Variants in ZP3 observed in about 807,000 individuals in gnomAD.
ZP3 encodes the protein zona pellucida glycoprotein 3.
Under a neutral mutation model 35.6 loss-of-function variants are expected in ZP3, and 21 were observed. That is an observed-to-expected ratio of 0.59 (90% CI 0.42 to 0.85). ZP3 has a LOEUF of 0.85. ZP3 is among the 40% of genes least tolerant of loss of function. ZP3 has a pLI of 0.00. For synonymous variants in ZP3, 207 were observed against 214.5 expected, an observed-to-expected ratio of 0.96 and a Z score of 0.31; for missense variants, 437 against 536.5, an observed-to-expected ratio of 0.81 and a Z score of 1.83.
At position 76,412,962 on chromosome 7, in the gene ZP3, C is replaced by CTTTTTTTTTTTTTTTTTTTTTTTTTTTTT. The variant is rs201143080; in HGVS notation, c.-66-12088_-66-12087insTTTTTTTTTTTTTTTTTTTTTTTTTTTTT. Among the ~76,000 whole-genome samples, 3 of 113,760 alleles carry CTTTTTTTTTTTTTTTTTTTTTTTTTTTTT rather than the reference C, an allele frequency of 2.6e-5. 1 individual carries two copies. The allele number at this position is 113,760 out of a possible 152,430, so 74.6% of individuals were successfully genotyped here. A position where few individuals can be genotyped will look rare whatever the true frequency, so the allele number is the denominator to read the frequency against. ...CTTTCTTCTTTGTCTTCTTCTTCTT[C>CTTTTTTTTTTTTTTTTTTTTTTTTTTTTT]TTCTTTTTTTTTTTTTTTGAGACGG... On this transcript the variant is annotated intron_variant, in intron 1 of 8. Transcript: ENST00000336517.
At chr7:76,423,503 G>A (rs1352864564), upstream of ZP3, among the ~76,000 whole-genome samples, 3 of 152,098 alleles carry the variant, frequency 2.0e-5, no homozygotes, top group South Asian at 4.1e-4. Context: ...CCACAACCTT[G>A]GTTTGATATT....
chr7:76,436,531 G>A (rs1462026700), intron 5 of ZP3, among the ~76,000 whole-genome samples: 3 of 152,354 alleles, frequency 2.0e-5, no homozygotes, highest in Non-Finnish European at 2.9e-5. Context: ...AGATGACATC[G>A]ATGCCACTTC....
At chr7:76,435,570 T>C (rs1805968833) in intron 5 of ZP3, among the ~76,000 whole-genome samples, 2 of 152,278 alleles carry the variant, frequency 1.3e-5, no homozygotes, top group East Asian at 3.8e-4. Flanking sequence ...ACTAATCATC[T>C]GGAGAGGTTG....
chr7:76,425,634 C>CT (rs1362036294), intron 1 of ZP3, among the ~76,000 whole-genome samples: 1 of 152,164 alleles, frequency 6.6e-6, no homozygotes, highest in African/African-American at 2.4e-5. Flanking sequence ...GCATTAGGAA[C>CT]TCATCCTGAA....
chr7:76,429,218 T>G (rs983013291), intron 1 of ZP3: 7 of 356,712 alleles, frequency 2.0e-5, no homozygotes, highest in East Asian at 5.8e-5. Flanking sequence ...AGGTAAAGAT[T>G]CCGAGGTACA....
At chr7:76,439,057 C>A (rs1268036667) in intron 5 of ZP3, among the ~76,000 whole-genome samples, 1 of 134,792 alleles carries the variant, frequency 7.4e-6, no homozygotes, top group Admixed American at 7.9e-5. Context: ...TTGCTTGAAC[C>A]TAGGAGGCAG....
At chr7:76,435,870 G>T (rs546189136) in intron 5 of ZP3, among the ~76,000 whole-genome samples, 1 of 151,382 alleles carries the variant, frequency 6.6e-6, no homozygotes, top group Non-Finnish European at 1.5e-5. Flanking sequence ...GATTGTAGGC[G>T]CCTGCCACCA....
rs888469990 is a variant in ZP3 at position 76,404,229 on chromosome 7, C to T, written c.-67+6432C>T. ...AGGAACGAGCTCATTCACAACCCTC[C>T]TCCTACTATAAAGTTACAGCTGGGA... On this transcript the variant is annotated intron_variant, in intron 1 of 8. Transcript: ENST00000336517. 7.6e-6 allele frequency: 11 copies of T among 1,453,894 alleles called. No homozygotes were observed. In the African/African-American group the frequency reaches 8.6e-5, roughly 11 times the overall value. 90.1% of individuals were successfully genotyped at this position (1,453,894 alleles called of 1,614,324 possible). A position where few individuals can be genotyped will look rare whatever the true frequency, so the allele number is the denominator to read the frequency against.
rs1805616977 is a variant in ZP3, at chr7:76,425,258, G to A, written c.294G>A (p.Glu98=). The change falls in exon 1 of 8, where the codon GAG becomes GAA. Residue 98 remains glutamate (E), a synonymous_variant. Transcript: ENST00000394857. Reference sequence around the variant, plus strand: ...TCAGGTTTGAGGTTGGACTCCACGAGTGTGGCAACAGCATGCAGGTAAGAG... The same window carrying A: ...TCAGGTTTGAGGTTGGACTCCACGAATGTGGCAACAGCATGCAGGTAAGAG... The part of the protein sequence containing the change: ...DVVRFEVGLH[E]CGNSMQVTDD... The A allele has an allele frequency of 2.5e-6, 4 of 1,608,806 alleles. No homozygotes were observed. Among genetic ancestry groups the A allele is most frequent in the East Asian group, 2.2e-5 (1 of 44,770 alleles).
At chr7:76,405,386 TG>T (rs1440377965) in intron 1 of ZP3, among the ~76,000 whole-genome samples, 1 of 129,944 alleles carries the variant, frequency 7.7e-6, no homozygotes, top group Non-Finnish European at 1.6e-5. Context: ...TTCACCATAT[TG>T]GCCAGGCTGG....
At chr7:76,413,271 T>C (rs1356083408) in intron 1 of ZP3, among the ~76,000 whole-genome samples, 1 of 151,294 alleles carries the variant, frequency 6.6e-6, no homozygotes, top group East Asian at 2.0e-4. Context: ...TCTTCTTTTT[T>C]TGAGACAGGG....
chr7:76,408,654 A>G (rs1345694145), intron 1 of ZP3, among the ~76,000 whole-genome samples: 1 of 151,900 alleles, frequency 6.6e-6, no homozygotes, highest in Non-Finnish European at 1.5e-5. Context: ...CAGATTTCAA[A>G]TCCCAGGTGA....
chr7:76,401,406 C>T (rs1262668037), intron 1 of ZP3, among the ~76,000 whole-genome samples: 1 of 147,822 alleles, frequency 6.8e-6, no homozygotes, highest in African/African-American at 2.4e-5. Flanking sequence ...TGACCAGCCT[C>T]GCCTTTTTTC....
chr7:76,429,604 A>G lies in ZP3; in HGVS notation c.402A>G (p.Ala134=). 3 of 1,614,022 alleles carry G rather than the reference A, an allele frequency of 1.9e-6. No individual in the cohort carries two copies. The highest frequency in any genetic ancestry group is 1.7e-6 in the Non-Finnish European group (2 of 1,179,938). Residue 134 remains alanine, a synonymous_variant, in exon 2 of 8, where the codon GCA becomes GCG. Coordinates refer to ENST00000394857, the MANE Select transcript of ZP3 (RefSeq NM_001110354.2). ...TGTCCATCGTGAGGACTAACCGCGC[A>G]GAGATTCCCATCGAGTGCCGCTACC... ...GNLSIVRTNR[A]EIPIECRYPR...
At chr7:76,398,855 G>T in intron 1 of ZP3, 1 of 1,562,764 alleles carries the variant, frequency 6.4e-7, no homozygotes, top group Non-Finnish European at 8.8e-7. Context: ...TCACACCACG[G>T]GGTGTTTAAG....
In ZP3 at chr7:76,410,359, T is replaced by C. The variant is rs1805209622; in HGVS notation, c.-67+12562T>C. Among the ~76,000 whole-genome samples the C allele has an allele frequency of 2.6e-5, 4 of 151,806 alleles. No individual in the cohort carries two copies. In the South Asian group the frequency reaches 8.3e-4, roughly 32 times the overall value. On this transcript the variant is annotated intron_variant, in intron 1 of 8. Transcript: ENST00000336517. Reference sequence around the variant, plus strand: ...TTTTGCCTTCTTGTGTAGTTCTTTTTTTTTTTTTTGAGATGGAGTTTCGCT... The same window carrying C: ...TTTTGCCTTCTTGTGTAGTTCTTTTCTTTTTTTTTGAGATGGAGTTTCGCT...
At chr7:76,436,054 T>C (rs1222531776) in intron 5 of ZP3, among the ~76,000 whole-genome samples, 13 of 76,630 alleles carry the variant, frequency 1.7e-4, no homozygotes, top group Admixed American at 4.0e-4. Flanking sequence ...TTTTTTTTTT[T>C]TTTTTTTTTT....
intron 7 of ZP3, 76 bp from the exon 8 acceptor site, chr7:76,441,766 A>T: frequency 6.6e-7 from 1 of 1,506,898 alleles, no homozygotes; most frequent in Non-Finnish European, 9.2e-7. Flanking sequence ...TAGCCCACTG[A>T]GGCAGAATAA....
At chr7:76,435,918 G>T (rs1805984987) in intron 5 of ZP3, among the ~76,000 whole-genome samples, 1 of 151,584 alleles carries the variant, frequency 6.6e-6, no homozygotes, top group Non-Finnish European at 1.5e-5. Context: ...TAGAGACAGG[G>T]ATTCATCATT....
Sources: gnomAD v4.1 joint callset for allele counts (sites outside exome capture counted in the v4.1 genomes callset) on GRCh38, gnomAD v4.1.1 for gene constraint, MANE v1.5 for transcripts, NCBI Gene and HGNC (gene_info 2026-07-23, HGNC 2026-07-21) for gene names.